Variants in USP42 observed in about 807,000 individuals in gnomAD.
USP42 encodes ubiquitin specific peptidase 42.
A neutral mutation model predicts 113.0 loss-of-function variants in USP42; 23 were observed. That is an observed-to-expected ratio of 0.20 (90% CI 0.15 to 0.29). USP42 has a LOEUF of 0.29. Ranked by LOEUF, USP42 falls within the 10% of genes least tolerant of loss-of-function variation. The probability of loss-of-function intolerance (pLI) is 1.00; values close to 1 mark genes in which losing one functional copy is unlikely to be tolerated. For missense variants in USP42, 2,174 were observed against 1,779.8 expected (o/e 1.22, Z -3.99); for synonymous variants, 933 against 699.0 (o/e 1.33, Z -5.28).
intron 7 of USP42, among the ~76,000 whole-genome samples, chr7:6,142,385 T>G (rs1009532831): frequency 2.0e-4 from 31 of 151,946 alleles, no homozygotes; most frequent in Non-Finnish European, 5.9e-5. Flanking sequence ...CCCTGCTAAT[T>G]TTTTGTATTT....
In USP42 at chr7:6,139,325, C is replaced by G; in HGVS notation, c.656+131C>G. ...GTGTTCACTTTACCTTTTGGCTTTGCTCTGCCTCTTCCTTAGGTGATGTGC... is the reference window on the plus strand; with the variant it reads ...GTGTTCACTTTACCTTTTGGCTTTGGTCTGCCTCTTCCTTAGGTGATGTGC... On this transcript the variant is annotated intron_variant, in intron 5 of 17. Transcript: ENST00000306177. The surrounding 1 kb of genome is among the most constrained non-coding windows in gnomAD (Gnocchi z 4.5). The G allele has an allele frequency of 1.6e-6, 1 of 644,444 alleles. No homozygotes were observed. The allele number at this position is 644,444 out of a possible 1,614,324, so 39.9% of individuals were successfully genotyped here.
intron 3 of USP42, among the ~76,000 whole-genome samples, chr7:6,118,568 G>A (rs1267177611): frequency 6.6e-6 from 1 of 151,844 alleles, no homozygotes; most frequent in Non-Finnish European, 1.5e-5. Context: ...CCTACCTACA[G>A]GTCACAAATA....
the USP42 span, among the ~76,000 whole-genome samples, chr7:6,091,618 T>G: frequency 1.3e-5 from 2 of 150,332 alleles, no homozygotes; most frequent in African/African-American, 2.5e-5. Context: ...CATATTAATT[T>G]TATTCTTGTT....
chr7:6,138,153 A>G (rs924995864), intron 4 of USP42, among the ~76,000 whole-genome samples: 4 of 152,212 alleles, frequency 2.6e-5, no homozygotes, highest in Non-Finnish European at 5.9e-5. Context: ...TGGCAGTTTC[A>G]TGTGATTTAA....
intron 1 of USP42, among the ~76,000 whole-genome samples, chr7:6,105,271 C>T (rs1411977883): frequency 4.1e-5 from 6 of 146,430 alleles, no homozygotes; most frequent in Non-Finnish European, 7.6e-5. Flanking sequence ...GCGGCGGCCG[C>T]GGCGGGCGGG....
intron 3 of USP42, among the ~76,000 whole-genome samples, chr7:6,128,618 C>T (rs193181379): frequency 6.6e-6 from 1 of 152,050 alleles, no homozygotes; most frequent in Non-Finnish European, 1.5e-5. Context: ...GCTGGGTGTC[C>T]TTCACCCTCA....
At chr7:6,104,740 A>T (rs1218025975), upstream of USP42, 3 of 152,086 alleles carry the variant, frequency 2.0e-5, no homozygotes, top group African/African-American at 7.2e-5. Flanking sequence ...GTGACGCGCG[A>T]CGTCTGCCTT....
At chr7:6,106,188 T>C (rs1380698022) in intron 1 of USP42, among the ~76,000 whole-genome samples, 1 of 152,266 alleles carries the variant, frequency 6.6e-6, no homozygotes, top group Admixed American at 6.5e-5. Flanking sequence ...GTATTTGGTT[T>C]ATAAAGTTTA....
chr7:6,123,554 C>T (rs1306364736), intron 3 of USP42, among the ~76,000 whole-genome samples: 2 of 151,146 alleles, frequency 1.3e-5, no homozygotes, highest in Non-Finnish European at 3.0e-5. Context: ...CCCAGCTACT[C>T]GGGAGGCTGA....
the USP42 span, among the ~76,000 whole-genome samples, chr7:6,091,430 G>A: frequency 6.6e-6 from 1 of 150,428 alleles, no homozygotes; most frequent in Non-Finnish European, 1.5e-5. Context: ...GTCTCCCTAT[G>A]TTGCCCAGGC....
the USP42 span, among the ~76,000 whole-genome samples, chr7:6,091,810 C>T: frequency 1.3e-5 from 2 of 150,338 alleles, no homozygotes; most frequent in Admixed American, 1.3e-4. Context: ...AGCTATTTTG[C>T]CCCAACTGGG....
In USP42 at chr7:6,145,498, G is replaced by C; in HGVS notation, c.991-18G>C. On this transcript the variant is annotated intron_variant, in intron 9 of 17. Transcript: ENST00000306177. ...CTGTGCCCTCGGAAATGTTTCTCCT[G>C]TTTCCATTTCCTTCTAGGATGTGAA... 6.2e-7 allele frequency: 1 copy of C among 1,613,794 alleles called. No individual in the cohort carries two copies. The highest frequency in any genetic ancestry group is 8.5e-7 in the Non-Finnish European group (1 of 1,179,786).
chr7:6,100,004 CTAT>C (rs1554332997), upstream of USP42, among the ~76,000 whole-genome samples: 5 of 144,220 alleles, frequency 3.5e-5, no homozygotes, highest in South Asian at 2.1e-4. Flanking sequence ...TTTCACAAGT[CTAT>C]TATTATTATT....
In USP42 at chr7:6,146,151, A is replaced by T; in HGVS notation, c.1135A>T (p.Ser379Cys). 6.3e-7 allele frequency: 1 copy of T among 1,583,240 alleles called. No homozygotes were observed. The highest frequency in any genetic ancestry group is 8.6e-7 in the Non-Finnish European group (1 of 1,162,922). The change falls in exon 11 of 18, where the codon AGC (serine) becomes TGC (cysteine). Residue 379 changes from serine to cysteine, a missense_variant. Coordinates refer to ENST00000306177, the MANE Select transcript of USP42 (RefSeq NM_032172.3). ...TTTTATTGGCTCTCATTTATAGGCT[A>T]GCAATGGCCTCTGGTATCAAATGAA... ...AGHYFCYIKA[S>C]NGLWYQMNDS...
the USP42 span, among the ~76,000 whole-genome samples, chr7:6,093,402 C>T: frequency 6.6e-6 from 1 of 150,478 alleles, no homozygotes; most frequent in Non-Finnish European, 1.5e-5. Flanking sequence ...TCTCATGCCT[C>T]AGATTCCCGA....
intron 1 of USP42, among the ~76,000 whole-genome samples, chr7:6,109,747 C>T (rs1279963233): frequency 1.4e-5 from 2 of 143,148 alleles, no homozygotes; most frequent in Non-Finnish European, 3.0e-5. Context: ...GTCACCAAGG[C>T]TGGATATCAG....
rs1241172845 is a variant in USP42, at chr7:6,154,251, G to A, written c.2697G>A (p.Pro899=). The change falls in exon 15 of 18, where the codon CCG becomes CCA. Residue 899 remains proline, a synonymous_variant. Coordinates refer to ENST00000306177, the MANE Select transcript of USP42 (RefSeq NM_032172.3). The stretch of plus-strand genomic sequence containing the variant: ...GCGCACCCGAGGCCGCAGAGCGGCC[G>A]CCAGCTCCTGTGCTGGACATGGCCC... ...SLGAPEAAER[P]PAPVLDMAPA... is the part of the protein sequence containing the mutation. 2 of 1,604,228 alleles carry A rather than the reference G, an allele frequency of 1.2e-6. No individual in the cohort carries two copies. The highest frequency in any genetic ancestry group is 1.1e-5 in the South Asian group (1 of 90,324).
At chr7:6,127,877 T>C (rs896504062) in intron 3 of USP42, among the ~76,000 whole-genome samples, 4 of 152,208 alleles carry the variant, frequency 2.6e-5, no homozygotes, top group Non-Finnish European at 5.9e-5. Context: ...CCCTGAAGTC[T>C]GCTTTACTCT....
the USP42 span, among the ~76,000 whole-genome samples, chr7:6,088,167 C>T: frequency 2.6e-5 from 4 of 151,196 alleles, no homozygotes; most frequent in African/African-American, 9.9e-5. Context: ...GGGTACTGAG[C>T]TATGATTGCT....
Sources: allele counts gnomAD v4.1 joint callset (sites outside exome capture counted in the v4.1 genomes callset), GRCh38; gene constraint gnomAD v4.1.1; non-coding constraint Gnocchi (gnomAD v3.1); transcripts MANE v1.5; gene names NCBI Gene and HGNC (gene_info 2026-07-23, HGNC 2026-07-21).